YIPF2: variants seen among roughly 807,000 people sequenced by gnomAD.
YIPF2 encodes protein YIPF2.
A neutral mutation model predicts 38.8 loss-of-function variants in YIPF2; 30 were observed. That is an observed-to-expected ratio of 0.77 (90% CI 0.58 to 1.05). The LOEUF is 1.05. Ranked by LOEUF, YIPF2 falls within the 50% of genes least tolerant of loss-of-function variation. The pLI is 0.00. For missense variants in YIPF2, 401 were observed against 409.7 expected, an observed-to-expected ratio of 0.98 and a Z score of 0.18; for synonymous variants, 194 against 183.8, an observed-to-expected ratio of 1.06 and a Z score of -0.45.
In YIPF2 at chr19:10,923,585, CCAGAGGGT is replaced by C. The variant is rs753724183; in HGVS notation, c.736_743del (p.Thr246AlafsTer5). The C allele has an allele frequency of 1.2e-6, 2 of 1,612,930 alleles. No individual in the cohort carries two copies. The highest frequency in any genetic ancestry group is 1.7e-6 in the Non-Finnish European group (2 of 1,179,778). On this transcript the variant is annotated frameshift_variant, in exon 8 of 10. Coordinates refer to ENST00000586748, the MANE Select transcript of YIPF2 (RefSeq NM_001321439.2). LOFTEE classifies it high-confidence loss of function. Reference sequence around the variant, plus strand: ...GCCTGGTGTCCTCACGGACCACGGGCCAGAGGGTGAATACCAGCCCGGCGGCTGACAGG... The same window carrying C: ...GCCTGGTGTCCTCACGGACCACGGGCGAATACCAGCCCGGCGGCTGACAGG...
At position 10,927,618 on chromosome 19, in the gene YIPF2, C is replaced by A; in HGVS notation, c.279+12G>T. On this transcript the variant is annotated intron_variant, in intron 4 of 9. Coordinates refer to ENST00000586748, the MANE Select transcript of YIPF2 (RefSeq NM_001321439.2). The stretch of plus-strand genomic sequence containing the variant: ...ACTCTGAGCCCCATCCCACCTGCCT[C>A]CCCAGCCTGACCTGTGAGGTGTCCA... 6.2e-7 allele frequency: 1 copy of A among 1,613,198 alleles called. No homozygotes were observed. The highest frequency in any genetic ancestry group is 8.5e-7 in the Non-Finnish European group (1 of 1,179,660).
At chr19:10,926,937 T>C (rs2083434475) in intron 4 of YIPF2, among the ~76,000 whole-genome samples, 2 of 152,250 alleles carry the variant, frequency 1.3e-5, no homozygotes, top group Admixed American at 6.5e-5. Context: ...TGGCACGATC[T>C]TGGCTCACTG....
chr19:10,927,589 C>T (rs758332601), intron 4 of YIPF2, 41 bp downstream of exon 4: 3 of 1,606,644 alleles, frequency 1.9e-6, no homozygotes, highest in Non-Finnish European at 2.6e-6. Context: ...GAACCCTGAG[C>T]ATAACTCTGA....
intron 4 of YIPF2, among the ~76,000 whole-genome samples, chr19:10,927,321 A>G (rs1394497418): frequency 6.6e-6 from 1 of 152,154 alleles, no homozygotes; most frequent in African/African-American, 2.4e-5. Context: ...GGTCTTCTGC[A>G]TATGCTGTTC....
chr19:10,927,651 G>C lies in YIPF2; in HGVS notation c.258C>G (p.Phe86Leu). Reference protein sequence around the residue: ...GFWTFSYYQSFFDVDTSQVLD... With the variant: ...GFWTFSYYQSLFDVDTSQVLD... ...TGACCTGTGAGGTGTCCACGTCAAAGAAGCTCTGATAGTAGCTGAAGGTCC... is the reference window on the plus strand; with the variant it reads ...TGACCTGTGAGGTGTCCACGTCAAACAAGCTCTGATAGTAGCTGAAGGTCC... The change falls in exon 4 of 10, where the codon TTC (phenylalanine) becomes TTG (leucine). Residue 86 changes from phenylalanine to leucine, a missense_variant. Coordinates refer to ENST00000586748, the MANE Select transcript of YIPF2 (RefSeq NM_001321439.2). 1 of 1,613,884 alleles carries C rather than the reference G, an allele frequency of 6.2e-7. No individual in the cohort carries two copies. Among genetic ancestry groups the C allele is most frequent in the Non-Finnish European group, 8.5e-7 (1 of 1,180,008 alleles).
Position 10,927,971 on chromosome 19 carries a change from G to T in YIPF2, c.32-12C>A, listed in dbSNP as rs1159425976. ...GGCCTCCTCGAATTCTGTGGAGGAG[G>T]TATATGGGACACACGCACGTTTGAG... On this transcript the variant is annotated splice_polypyrimidine_tract_variant and intron_variant, in intron 2 of 9. Transcript: ENST00000586748. The T allele has an allele frequency of 1.3e-6, 2 of 1,593,448 alleles. No homozygotes were observed. The highest frequency in any genetic ancestry group is 1.7e-6 in the Non-Finnish European group (2 of 1,163,370).
At chr19:10,924,042 C>T (rs2145265365) in intron 6 of YIPF2, 34 bp downstream of exon 6, 1 of 1,612,872 alleles carries the variant, frequency 6.2e-7, no homozygotes. Context: ...TACCCCAGGG[C>T]CCTGCCAGGC....
rs1213828840 is a variant in YIPF2 at position 10,923,414 on chromosome 19, A to G, written c.835-7T>C. The stretch of plus-strand genomic sequence containing the variant: ...GCGACTGGAAGAAGTACAACTGCAC[A>G]AGACCCCTGGGGTCAGAGGCAGGGC... On this transcript the variant is annotated splice_region_variant and splice_polypyrimidine_tract_variant and intron_variant, in intron 8 of 9. Coordinates refer to ENST00000586748, the MANE Select transcript of YIPF2 (RefSeq NM_001321439.2). The G allele has an allele frequency of 2.5e-6, 4 of 1,613,414 alleles. No individual in the cohort carries two copies. The highest frequency in any genetic ancestry group is 3.4e-6 in the Non-Finnish European group (4 of 1,179,724).
In YIPF2 at chr19:10,923,521, G is replaced by A. The variant is rs757433600; in HGVS notation, c.808C>T (p.His270Tyr). The stretch of plus-strand genomic sequence containing the variant: ...TTACAGCCCATGGCCAGGAGGGCGT[G>A]GAGCAGCACGACCACGGACAGCAGC... The part of the protein sequence containing the change: ...TVLLSVVVLL[H>Y]ALLAMGCKLY... Residue 270 changes from histidine (H) to tyrosine (Y), a missense_variant, in exon 8 of 10, where the codon CAC (histidine) becomes TAC (tyrosine). His to Tyr is a moderately conservative substitution (Grantham distance 83). Coordinates refer to ENST00000586748, the MANE Select transcript of YIPF2 (RefSeq NM_001321439.2). The A allele has an allele frequency of 1.2e-6, 2 of 1,612,524 alleles. No homozygotes were observed. The highest frequency in any genetic ancestry group is 1.7e-6 in the Non-Finnish European group (2 of 1,179,706).
intron 2 of YIPF2, 109 bp from the exon 3 acceptor site, chr19:10,928,068 T>C (rs1412553333): frequency 1.1e-5 from 16 of 1,458,868 alleles, no homozygotes; most frequent in Non-Finnish European, 1.3e-5. Flanking sequence ...GCTGAGCCAT[T>C]GATCTCCCCC....
At chr19:10,924,919 G>C (rs1162822939) in intron 5 of YIPF2, among the ~76,000 whole-genome samples, 1 of 151,906 alleles carries the variant, frequency 6.6e-6, no homozygotes, top group Non-Finnish European at 1.5e-5. Context: ...ATGGCGAGAG[G>C]GACCCCGAAA....
rs746099189 is a variant in YIPF2, at chr19:10,927,934, CAGA to C, written c.54_56del (p.Leu19del). ...TGGTGGCTGCATCTGGGGTGTCAGC[CAGA>C]AGATTAGTGGCCTCCTCGAATTCTG... On this transcript the variant is annotated inframe_deletion, in exon 3 of 10. Coordinates refer to ENST00000586748, the MANE Select transcript of YIPF2 (RefSeq NM_001321439.2). 7.5e-6 allele frequency: 12 copies of C among 1,609,358 alleles called. No individual in the cohort carries two copies. The highest frequency in any genetic ancestry group is 2.2e-5 in the South Asian group (2 of 91,018).
Position 10,927,717 on chromosome 19 carries a change from C to A in YIPF2, c.193-1G>T, listed in dbSNP as rs763205677. On this transcript the variant is annotated splice_acceptor_variant, in intron 3 of 9. Transcript: ENST00000586748. LOFTEE classifies it high-confidence loss of function. ...GCTGCTGCTGCTGCTCCTGCAGGAG[C>A]TGCACATTGCGGGCATTCAGTGCCT... 1.2e-6 allele frequency: 2 copies of A among 1,613,314 alleles called. No individual in the cohort carries two copies. The highest frequency in any genetic ancestry group is 1.3e-5 in the African/African-American group (1 of 75,064).
chr19:10,922,664 C>T lies in YIPF2; in HGVS notation c.*530G>A, dbSNP rs1040799059. 5.3e-5 allele frequency: 8 copies of T among 152,308 alleles called. No homozygotes were observed. Among genetic ancestry groups the T allele is most frequent in the African/African-American group, 1.9e-4 (8 of 41,428 alleles). 9.4% of individuals were successfully genotyped at this position (152,308 alleles called of 1,614,324 possible). On this transcript the variant is annotated 3_prime_UTR_variant, in exon 10 of 10. Coordinates refer to ENST00000586748, the MANE Select transcript of YIPF2 (RefSeq NM_001321439.2). ...GACGCTCCAGTCCCTACTACTGTGACGGCATTTCCATCCCTCCCCTGCCCG... is the reference window on the plus strand; with the variant it reads ...GACGCTCCAGTCCCTACTACTGTGATGGCATTTCCATCCCTCCCCTGCCCG...
At chr19:10,923,237 G>T (rs776787935) in intron 9 of YIPF2, 35 bp downstream of exon 9, 1 of 1,521,820 alleles carries the variant, frequency 6.6e-7, no homozygotes, top group Non-Finnish European at 8.9e-7. Context: ...GAGTGGGAGG[G>T]CAGCCCCCTT....
chr19:10,923,761 G>C (rs1043294063), intron 7 of YIPF2, 72 bp downstream of exon 7: 10 of 1,581,368 alleles, frequency 6.3e-6, no homozygotes, highest in Non-Finnish European at 1.7e-6. Context: ...ACCACCATGG[G>C]AATGAGGCGG....
intron 5 of YIPF2, 85 bp from the exon 6 acceptor site, chr19:10,924,277 C>A: frequency 7.9e-7 from 1 of 1,272,418 alleles, no homozygotes; most frequent in Admixed American, 2.1e-5. Context: ...TGTGCTGAGA[C>A]CCCAGCCTCT....
rs766168799 is a variant in YIPF2 at position 10,923,267 on chromosome 19, C to G, written c.*19+5G>C. Reference sequence around the variant, plus strand: ...CCCCTTAGCCCAGCTGGGAATAGTCCTTACCTGTGGGACCCGGGCCTTCCT... The same window carrying G: ...CCCCTTAGCCCAGCTGGGAATAGTCGTTACCTGTGGGACCCGGGCCTTCCT... On this transcript the variant is annotated splice_donor_5th_base_variant and intron_variant, in intron 9 of 9. Coordinates refer to ENST00000586748, the MANE Select transcript of YIPF2 (RefSeq NM_001321439.2). 1.3e-6 allele frequency: 2 copies of G among 1,598,584 alleles called. No homozygotes were observed. The highest frequency in any genetic ancestry group is 4.5e-5 in the East Asian group (2 of 44,806).
At position 10,925,763 on chromosome 19, in the gene YIPF2, C is replaced by T. The variant is rs747869037; in HGVS notation, c.290G>A (p.Arg97Gln). ...FDVDTSQVLD[R>Q]IKGSLLPRPG... is the part of the protein sequence containing the mutation. ...CCGGGGCAGCAGTGAGCCTTTGATC[C>T]GGTCCAGGACCTGGGGGCAAGGCCA... is the stretch of plus-strand genomic sequence containing the variant. Residue 97 changes from arginine to glutamine, a missense_variant, in exon 5 of 10, where the codon CGG becomes CAG. Physicochemically the swap from Arg to Gln is conservative, Grantham distance 43. Coordinates refer to ENST00000586748, the MANE Select transcript of YIPF2 (RefSeq NM_001321439.2). 47 of 1,613,580 alleles carry T rather than the reference C, an allele frequency of 2.9e-5. No individual in the cohort carries two copies. The highest frequency in any genetic ancestry group is 6.7e-5 in the Admixed American group (4 of 59,974).
Sources: gnomAD v4.1 joint callset for allele counts (sites outside exome capture counted in the v4.1 genomes callset) on GRCh38, gnomAD v4.1.1 for gene constraint, MANE v1.5 for transcripts, NCBI Gene and HGNC (gene_info 2026-07-23, HGNC 2026-07-21) for gene names.